Variants in PPM1L observed in about 807,000 individuals in gnomAD.
The protein encoded by PPM1L is protein phosphatase, Mg2+/Mn2+ dependent 1L.
In PPM1L, 13 loss-of-function variants were observed where a neutral mutation model predicts 31.4. The ratio of observed to expected loss-of-function variants is 0.41; its 90% CI spans 0.27 to 0.66. The LOEUF is 0.66. Ranked by LOEUF, PPM1L falls within the 30% of genes least tolerant of loss-of-function variation. The probability of loss-of-function intolerance (pLI) is 0.29; values close to 1 mark genes in which losing one functional copy is unlikely to be tolerated. For synonymous variants in PPM1L, 184 were observed against 175.4 expected (o/e 1.05, Z -0.39); for missense variants, 326 against 453.7 (o/e 0.72, Z 2.56).
chr3:160,851,514 T>A (rs1352428650), intron 1 of PPM1L, among the ~76,000 whole-genome samples: 1 of 152,198 alleles, frequency 6.6e-6, no homozygotes, highest in Non-Finnish European at 1.5e-5. Context: ...TGAGGTAAAT[T>A]ATTCCTTTTA....
chr3:161,018,866 G>T (rs187601419), intron 2 of PPM1L, among the ~76,000 whole-genome samples: 34 of 152,202 alleles, frequency 2.2e-4, no homozygotes, highest in Admixed American at 3.3e-4. Context: ...AAACATTTGG[G>T]ATATGTTGCA....
At chr3:160,930,307 G>A (rs1326536188) in intron 1 of PPM1L, among the ~76,000 whole-genome samples, 1 of 152,076 alleles carries the variant, frequency 6.6e-6, no homozygotes, top group African/African-American at 2.4e-5. Context: ...CTACACAAAT[G>A]TGGGGAATTA....
At chr3:160,920,042 C>T (rs1714333926) in intron 1 of PPM1L, among the ~76,000 whole-genome samples, 1 of 152,068 alleles carries the variant, frequency 6.6e-6, no homozygotes, top group Non-Finnish European at 1.5e-5. Flanking sequence ...GATGTCTGGT[C>T]CTGAGCCATC....
At chr3:161,066,606 T>G (rs1035575522) in intron 3 of PPM1L, among the ~76,000 whole-genome samples, 1 of 152,172 alleles carries the variant, frequency 6.6e-6, no homozygotes, top group Non-Finnish European at 1.5e-5. Context: ...TTTATACCTA[T>G]GTAAGGGAAG....
rs34662106 is a variant in PPM1L, at chr3:161,024,264, C to CAA, written c.575-41122_575-41121dup. 1.5e-3 allele frequency among the ~76,000 whole-genome samples: 141 copies of CAA among 92,358 alleles called. 2 individuals carry two copies. The highest frequency in any genetic ancestry group is 2.9e-3 in the South Asian group (8 of 2,772). 60.6% of individuals were successfully genotyped at this position (92,358 alleles called of 152,430 possible). On this transcript the variant is annotated intron_variant, in intron 2 of 3. Coordinates refer to ENST00000498165, the MANE Select transcript of PPM1L (RefSeq NM_139245.4). The stretch of plus-strand genomic sequence containing the variant: ...TGGGTGACAGGGCAAGACTCCGTCT[C>CAA]AAAAAAAAAAAAAAAAAAGATTTTT...
At chr3:160,874,590 A>G (rs1712443341) in intron 1 of PPM1L, among the ~76,000 whole-genome samples, 2 of 152,214 alleles carry the variant, frequency 1.3e-5, no homozygotes, top group Non-Finnish European at 2.9e-5. Context: ...CCTATCCTAT[A>G]TGCTCTTCTA....
intron 1 of PPM1L, among the ~76,000 whole-genome samples, chr3:160,786,127 T>TC (rs1711911208): frequency 2.9e-5 from 3 of 103,974 alleles, no homozygotes; most frequent in South Asian, 3.1e-4. Flanking sequence ...AATCTCATTT[T>TC]TCTCTCTCTC....
chr3:160,933,862 A>T (rs1714872593), intron 1 of PPM1L, among the ~76,000 whole-genome samples: 1 of 152,230 alleles, frequency 6.6e-6, no homozygotes, highest in African/African-American at 2.4e-5. Context: ...TTGTGAATTT[A>T]AAATGACTGA....
At chr3:160,851,112 T>C (rs1711508166) in intron 1 of PPM1L, among the ~76,000 whole-genome samples, 1 of 152,200 alleles carries the variant, frequency 6.6e-6, no homozygotes, top group Admixed American at 6.5e-5. Flanking sequence ...TACGACCAGA[T>C]AGATGTTAAA....
At chr3:160,776,195 T>C (rs1412782108) in intron 1 of PPM1L, among the ~76,000 whole-genome samples, 1 of 152,230 alleles carries the variant, frequency 6.6e-6, no homozygotes, top group African/African-American at 2.4e-5. Context: ...AAAATGGACA[T>C]TTTCTACTTT....
At chr3:160,854,986 A>G (rs1345766361) in intron 1 of PPM1L, among the ~76,000 whole-genome samples, 1 of 152,084 alleles carries the variant, frequency 6.6e-6, no homozygotes, top group East Asian at 1.9e-4. Flanking sequence ...CTACAAGGCT[A>G]TAGTAGCAAA....
chr3:161,066,114 T>G (rs76762303), intron 3 of PPM1L, among the ~76,000 whole-genome samples: 3,764 of 152,334 alleles, frequency 0.025, 158 homozygotes, highest in African/African-American at 0.084. Context: ...TACCTGGCTC[T>G]CCTATTTGCC....
intron 1 of PPM1L, among the ~76,000 whole-genome samples, chr3:160,927,606 A>ATGTG (rs141545778): frequency 0.061 from 8,989 of 148,390 alleles, 485 homozygotes; most frequent in African/African-American, 0.15. Flanking sequence ...TCATTTCCCT[A>ATGTG]TGTGTGTGTG....
At chr3:160,974,032 C>A (rs1257091315) in intron 2 of PPM1L, among the ~76,000 whole-genome samples, 1 of 85,456 alleles carries the variant, frequency 1.2e-5, no homozygotes, top group Non-Finnish European at 2.3e-5. Context: ...TCCCCCCACC[C>A]CACCACAGTC....
intron 1 of PPM1L, among the ~76,000 whole-genome samples, chr3:160,925,348 A>T (rs1714550889): frequency 6.6e-6 from 1 of 152,180 alleles, no homozygotes. Context: ...TTTATTTAGC[A>T]TGGTATGTTA....
chr3:161,075,030 G>C lies in PPM1L; in HGVS notation c.*5873G>C, dbSNP rs1368955442. The C allele has an allele frequency of 6.6e-6, 1 of 152,090 alleles. No homozygotes were observed. Among genetic ancestry groups the C allele is most frequent in the Non-Finnish European group, 1.5e-5 (1 of 68,030 alleles). The allele number at this position is 152,090 out of a possible 1,614,324, so 9.4% of individuals were successfully genotyped here. On this transcript the variant is annotated 3_prime_UTR_variant, in exon 4 of 4. Coordinates refer to ENST00000498165, the MANE Select transcript of PPM1L (RefSeq NM_139245.4). Reference sequence around the variant, plus strand: ...ATTGAGCACAAGCAGATTACTGTAAGGGCACTGGTGGCAGATTGTGGTGGA... The same window carrying C: ...ATTGAGCACAAGCAGATTACTGTAACGGCACTGGTGGCAGATTGTGGTGGA...
At chr3:160,947,081 A>C (rs1187582367) in intron 1 of PPM1L, among the ~76,000 whole-genome samples, 1 of 152,198 alleles carries the variant, frequency 6.6e-6, no homozygotes, top group South Asian at 2.1e-4. Flanking sequence ...AGAGTGAAAA[A>C]TACACAAAGT....
At chr3:160,778,334 T>C (rs1182353576) in intron 1 of PPM1L, among the ~76,000 whole-genome samples, 11 of 152,132 alleles carry the variant, frequency 7.2e-5, no homozygotes, top group Admixed American at 7.2e-4. Flanking sequence ...CTAATATATT[T>C]TTATAACTTT....
rs1309298153 is a variant in PPM1L at position 161,000,934 on chromosome 3, A to G, written c.574+39024A>G. ...AAAGCTATACTGAGTGCTTTCTTTCAGGAAACAGAACACCAGATCATTGAA... is the reference window on the plus strand; with the variant it reads ...AAAGCTATACTGAGTGCTTTCTTTCGGGAAACAGAACACCAGATCATTGAA... On this transcript the variant is annotated intron_variant, in intron 2 of 3. Transcript: ENST00000498165. Among the ~76,000 whole-genome samples the G allele has an allele frequency of 3.3e-5, 5 of 152,232 alleles. No homozygotes were observed. In the East Asian group the frequency reaches 7.7e-4, roughly 23 times the overall value.
Sources: gnomAD v4.1 joint callset for allele counts (sites outside exome capture counted in the v4.1 genomes callset) on GRCh38, gnomAD v4.1.1 for gene constraint, MANE v1.5 for transcripts, NCBI Gene and HGNC (gene_info 2026-07-23, HGNC 2026-07-21) for gene names.